The following IKBKB variants were observed in gnomAD, a reference collection of about 807,000 sequenced individuals.
IKBKB encodes inhibitor of nuclear factor kappa-B kinase subunit beta.
A neutral mutation model predicts 113.6 loss-of-function variants in IKBKB; 42 were observed. The observed-to-expected ratio is 0.37, with a 90% CI of 0.29 to 0.48. The LOEUF (loss-of-function observed/expected upper bound fraction) is 0.48. IKBKB is among the 20% of genes least tolerant of loss of function. The pLI, the probability that IKBKB is intolerant of heterozygous loss-of-function variation, is 0.99. For synonymous variants in IKBKB, 296 were observed against 361.3 expected (o/e 0.82, Z 2.05); for missense variants, 673 against 939.7 (o/e 0.72, Z 3.71).
At position 42,306,412 on chromosome 8, in the gene IKBKB, G is replaced by A; in HGVS notation, c.547G>A (p.Val183Met). ...LDQGSLCTSF[V>M]GTLQYLAPEL... Reference sequence around the variant, plus strand: ...TCAGGGCAGTCTTTGCACATCATTCGTGGGGACCCTGCAGTACCTGGTAAG... The same window carrying A: ...TCAGGGCAGTCTTTGCACATCATTCATGGGGACCCTGCAGTACCTGGTAAG... The change falls in exon 7 of 22, where the codon GTG becomes ATG. Residue 183 changes from valine to methionine, a missense_variant. Around this residue, in one of 2 missense-constraint regions of IKBKB, gnomAD observed 167 missense variants for 301.0 expected, o/e 0.55. Transcript: ENST00000520810. 1.2e-6 allele frequency: 2 copies of A among 1,612,472 alleles called. No homozygotes were observed. The highest frequency in any genetic ancestry group is 8.5e-7 in the Non-Finnish European group (1 of 1,178,562).
At chr8:42,314,879 CCTT>C (rs1242882382) in intron 9 of IKBKB, among the ~76,000 whole-genome samples, 4 of 152,212 alleles carry the variant, frequency 2.6e-5, no homozygotes, top group Non-Finnish European at 2.9e-5. Flanking sequence ...TTAACATAGT[CCTT>C]CTTAATCTTA....
Position 42,272,100 on chromosome 8 carries a change from T to C in IKBKB, c.-1T>C. 2 of 1,614,054 alleles carry C rather than the reference T, an allele frequency of 1.2e-6. No individual in the cohort carries two copies. Among genetic ancestry groups the C allele is most frequent in the Non-Finnish European group, 1.7e-6 (2 of 1,179,988 alleles). ...GCTTATAGAGTTAGCACGACATCAG[T>C]ATGAGCTGGTCACCTTCCCTGACAA... On this transcript the variant is annotated 5_prime_UTR_variant, in exon 2 of 22. Transcript: ENST00000520810.
At chr8:42,296,806 C>T (rs1404795640) in intron 5 of IKBKB, among the ~76,000 whole-genome samples, 2 of 152,138 alleles carry the variant, frequency 1.3e-5, no homozygotes, top group Non-Finnish European at 2.9e-5. Flanking sequence ...TGACCGTGGG[C>T]ACGTTACTTA....
intron 2 of IKBKB, among the ~76,000 whole-genome samples, chr8:42,277,606 G>A (rs569608312): frequency 1.3e-5 from 2 of 152,290 alleles, no homozygotes; most frequent in Admixed American, 6.5e-5. Context: ...TGTTTTGAGC[G>A]CTGAGCCCTC....
chr8:42,287,396 T>C (rs1563308867), intron 2 of IKBKB, among the ~76,000 whole-genome samples: 1 of 152,268 alleles, frequency 6.6e-6, no homozygotes, highest in Non-Finnish European at 1.5e-5. Flanking sequence ...CTCTTTGGCA[T>C]GTGCACTGAA....
Position 42,271,934 on chromosome 8 carries a change from A to G in IKBKB, c.-18-149A>G, listed in dbSNP as rs1807843471. ...TTGCCACAAAGTTTGGACCAACCAA[A>G]CACATTGGTTTCTTTACAAAATAAA... On this transcript the variant is annotated intron_variant, in intron 1 of 21. Transcript: ENST00000520810. 7 of 868,270 alleles carry G rather than the reference A, an allele frequency of 8.1e-6. No individual in the cohort carries two copies. The South Asian group carries it at 1.3e-4, about 16-fold the overall frequency. 53.8% of individuals were successfully genotyped at this position (868,270 alleles called of 1,614,324 possible). A position where few individuals can be genotyped will look rare whatever the true frequency, so the allele number is the denominator to read the frequency against.
At chr8:42,290,450 T>G (rs941916028) in intron 4 of IKBKB, among the ~76,000 whole-genome samples, 177 bp downstream of exon 4, 3 of 151,702 alleles carry the variant, frequency 2.0e-5, no homozygotes, top group Non-Finnish European at 4.4e-5. Flanking sequence ...GGGGCTGGTG[T>G]GTGTGTGAGT....
At chr8:42,276,700 G>A (rs1253564393) in intron 2 of IKBKB, among the ~76,000 whole-genome samples, 1 of 149,534 alleles carries the variant, frequency 6.7e-6, no homozygotes, top group Non-Finnish European at 1.5e-5. Context: ...AGCACTTCCC[G>A]TATGTTTTCT....
At chr8:42,292,885 C>T (rs943415933) in intron 4 of IKBKB, among the ~76,000 whole-genome samples, 1 of 152,202 alleles carries the variant, frequency 6.6e-6, no homozygotes, top group African/African-American at 2.4e-5. Context: ...GGATTCCACC[C>T]GTACTTACTC....
In IKBKB at chr8:42,331,544, C is replaced by G. The variant is rs199674990; in HGVS notation, c.*565C>G. ...TAAACAGACAGTTTAATTATAGTTGCGGCCTGGCCCCATCCTCACTTCCTC... is the reference window on the plus strand; with the variant it reads ...TAAACAGACAGTTTAATTATAGTTGGGGCCTGGCCCCATCCTCACTTCCTC... On this transcript the variant is annotated 3_prime_UTR_variant, in exon 22 of 22. Coordinates refer to ENST00000520810, the MANE Select transcript of IKBKB (RefSeq NM_001556.3). The G allele has an allele frequency of 6.5e-6, 4 of 612,290 alleles. No homozygotes were observed. The highest frequency in any genetic ancestry group is 5.5e-5 in the African/African-American group (3 of 54,282). The allele number at this position is 612,290 out of a possible 1,614,324, so 37.9% of individuals were successfully genotyped here. A position where few individuals can be genotyped will look rare whatever the true frequency, so the allele number is the denominator to read the frequency against.
At chr8:42,294,865 T>C (rs577054789) in intron 5 of IKBKB, among the ~76,000 whole-genome samples, 9 of 152,340 alleles carry the variant, frequency 5.9e-5, no homozygotes, top group Admixed American at 5.2e-4. Flanking sequence ...CATGTTTTGC[T>C]TGGAGGCTTA....
intron 12 of IKBKB, among the ~76,000 whole-genome samples, chr8:42,318,177 C>G (rs1470356850): frequency 6.6e-6 from 1 of 151,982 alleles, no homozygotes; most frequent in African/African-American, 2.4e-5. Flanking sequence ...AGAAGGATCA[C>G]TTGAGCCTGA....
chr8:42,322,893 G>A lies in IKBKB; in HGVS notation c.1986+399G>A, dbSNP rs905685897. On this transcript the variant is annotated intron_variant, in intron 19 of 21. Transcript: ENST00000520810. ...GATCATGCCACTGCACTCCAACCTGGGCAGCAGAGCTGTCTCTACTAAAAA... is the reference window on the plus strand; with the variant it reads ...GATCATGCCACTGCACTCCAACCTGAGCAGCAGAGCTGTCTCTACTAAAAA... Among the ~76,000 whole-genome samples, 4 of 152,212 alleles carry A rather than the reference G, an allele frequency of 2.6e-5. No homozygotes were observed. The East Asian group carries it at 5.8e-4, about 22-fold the overall frequency.
intron 2 of IKBKB, among the ~76,000 whole-genome samples, chr8:42,287,190 G>A (rs1020690144): frequency 6.6e-6 from 1 of 152,226 alleles, no homozygotes; most frequent in African/African-American, 2.4e-5. Flanking sequence ...CCCGTCTCCA[G>A]TGTCCCCACT....
rs142395927 is a variant in IKBKB at position 42,324,241 on chromosome 8, G to C, written c.1987-1729G>C. ...AGGATGAAGCTGCTGAGGTAGGCAA[G>C]GGTGAGCTTACGTGGGCCACGCTTC... On this transcript the variant is annotated intron_variant, in intron 19 of 21. Transcript: ENST00000520810. 1.8e-4 allele frequency among the ~76,000 whole-genome samples: 27 copies of C among 152,296 alleles called. No homozygotes were observed. In the East Asian group the frequency reaches 5.2e-3, roughly 29 times the overall value.
Position 42,331,005 on chromosome 8 carries a change from T to A in IKBKB, c.*26T>A. On this transcript the variant is annotated 3_prime_UTR_variant, in exon 22 of 22. Coordinates refer to ENST00000520810, the MANE Select transcript of IKBKB (RefSeq NM_001556.3). Reference sequence around the variant, plus strand: ...TGTGGGGGGACTCGACCCCCTGACATGGGGCAGCCCATAGCAGGCCTTGTG... The same window carrying A: ...TGTGGGGGGACTCGACCCCCTGACAAGGGGCAGCCCATAGCAGGCCTTGTG... 2 of 1,602,450 alleles carry A rather than the reference T, an allele frequency of 1.2e-6. No homozygotes were observed. The highest frequency in any genetic ancestry group is 1.7e-6 in the Non-Finnish European group (2 of 1,171,680).
chr8:42,328,194 G>C (rs1248847095), intron 20 of IKBKB, among the ~76,000 whole-genome samples: 2 of 150,430 alleles, frequency 1.3e-5, no homozygotes, highest in Admixed American at 1.3e-4. Context: ...TGATCCGCCC[G>C]CCTTGGTCTC....
intron 5 of IKBKB, among the ~76,000 whole-genome samples, chr8:42,303,090 AATGAGAG>A (rs1815674171): frequency 9.9e-6 from 1 of 101,164 alleles, no homozygotes; most frequent in African/African-American, 5.0e-5. Context: ...AGAGAGAGAG[AATGAGAG>A]AGAGAGAGAG....
At chr8:42,274,881 T>C (rs1470019944) in intron 2 of IKBKB, among the ~76,000 whole-genome samples, 1 of 147,466 alleles carries the variant, frequency 6.8e-6, no homozygotes, top group East Asian at 2.0e-4. Flanking sequence ...TTTTGTTTGT[T>C]TGTTTTGTTT....
Sources: allele counts gnomAD v4.1 joint callset (sites outside exome capture counted in the v4.1 genomes callset), GRCh38; gene constraint gnomAD v4.1.1; regional missense constraint gnomAD v4.1.1; transcripts MANE v1.5; gene names NCBI Gene and HGNC (gene_info 2026-07-23, HGNC 2026-07-21).